The following CCDC93 variants were observed in gnomAD, a reference collection of about 807,000 sequenced individuals.
CCDC93 encodes CCC complex scaffolding subunit CCDC93.
In CCDC93, 61 loss-of-function variants were observed where a neutral mutation model predicts 108.2. That is an observed-to-expected ratio of 0.56 (90% CI 0.46 to 0.70). CCDC93 has a LOEUF of 0.70. Ranked by LOEUF, CCDC93 falls within the 30% of genes least tolerant of loss-of-function variation. The pLI is 0.00. For missense variants in CCDC93, 685 were observed against 764.2 expected, an observed-to-expected ratio of 0.90 and a Z score of 1.22; for synonymous variants, 276 against 260.4, an observed-to-expected ratio of 1.06 and a Z score of -0.58.
At position 117,936,751 on chromosome 2, in the gene CCDC93, A is replaced by G. The variant is rs748057095; in HGVS notation, c.1606-12T>C. On this transcript the variant is annotated splice_polypyrimidine_tract_variant and intron_variant, in intron 20 of 23. Transcript: ENST00000376300. Reference sequence around the variant, plus strand: ...TTCAGCAGACTAATCTGGGGAAGTAAAAAAACAAACGAAATTATAAGACAG... The same window carrying G: ...TTCAGCAGACTAATCTGGGGAAGTAGAAAAACAAACGAAATTATAAGACAG... 5 of 1,611,806 alleles carry G rather than the reference A, an allele frequency of 3.1e-6. No homozygotes were observed. The African/African-American group carries it at 6.7e-5, about 22-fold the overall frequency.
At chr2:117,934,939 CT>C (rs1214409213) in intron 22 of CCDC93, 6 of 151,976 alleles carry the variant, frequency 3.9e-5, no homozygotes, top group African/African-American at 1.5e-4. Context: ...TGCACCCTGA[CT>C]GAGTGGGGCC....
intron 18 of CCDC93, among the ~76,000 whole-genome samples, chr2:117,942,637 G>A (rs899150877): frequency 1.3e-5 from 2 of 152,194 alleles, no homozygotes; most frequent in African/African-American, 4.8e-5. Flanking sequence ...TGGCTGCTCA[G>A]GTGCATCTTC....
At chr2:117,946,206 G>A (rs540016926) in intron 16 of CCDC93, among the ~76,000 whole-genome samples, 5 of 152,282 alleles carry the variant, frequency 3.3e-5, no homozygotes, top group Middle Eastern at 3.4e-3. Context: ...GCGGTCTGGC[G>A]TGGGGTGGCT....
chr2:117,984,303 C>A (rs116150044), intron 7 of CCDC93, among the ~76,000 whole-genome samples: 1 of 152,158 alleles, frequency 6.6e-6, no homozygotes, highest in Non-Finnish European at 1.5e-5. Flanking sequence ...CCAACAGGAA[C>A]CAGGATTGGT....
intron 11 of CCDC93, among the ~76,000 whole-genome samples, chr2:117,959,068 A>T (rs1331475849): frequency 6.6e-6 from 1 of 152,180 alleles, no homozygotes; most frequent in Non-Finnish European, 1.5e-5. Context: ...CAACTCTATA[A>T]GGGAGGAGGG....
Position 117,941,278 on chromosome 2 carries a change from A to G in CCDC93, c.1433T>C (p.Ile478Thr). 6.2e-7 allele frequency: 1 copy of G among 1,613,722 alleles called. No individual in the cohort carries two copies. The highest frequency in any genetic ancestry group is 8.5e-7 in the Non-Finnish European group (1 of 1,179,674). ...ATCAATCTTGCGGTGCAAAATTGCTATTTCTCGATTTCTTCGAGCCTAAAT... is the reference window on the plus strand; with the variant it reads ...ATCAATCTTGCGGTGCAAAATTGCTGTTTCTCGATTTCTTCGAGCCTAAAT... ...RLLQARRNRE[I>T]AILHRKIDEV... The change falls in exon 19 of 24, where the codon ATA becomes ACA. Residue 478 changes from isoleucine (I) to threonine (T), a missense_variant. By Grantham distance (89) the Ile-to-Thr change is moderately conservative. Coordinates refer to ENST00000376300, the MANE Select transcript of CCDC93 (RefSeq NM_019044.5).
intron 20 of CCDC93, among the ~76,000 whole-genome samples, chr2:117,938,163 A>T (rs1268164065): frequency 6.6e-6 from 1 of 152,234 alleles, no homozygotes; most frequent in East Asian, 1.9e-4. Context: ...CATTATAATC[A>T]TCATCAATGC....
At position 117,950,437 on chromosome 2, in the gene CCDC93, T is replaced by C. The variant is rs1003559759; in HGVS notation, c.1069-1042A>G. 8.1e-6 allele frequency: 8 copies of C among 985,284 alleles called. No individual in the cohort carries two copies. The African/African-American group carries it at 1.4e-4, about 17-fold the overall frequency. The allele number at this position is 985,284 out of a possible 1,614,324, so 61.0% of individuals were successfully genotyped here. On this transcript the variant is annotated intron_variant, in intron 13 of 23. Coordinates refer to ENST00000376300, the MANE Select transcript of CCDC93 (RefSeq NM_019044.5). ...TACAAAGCAGCCAATCTCCTGGCCT[T>C]TCTGAAGCAGTCATGCAGCCTCCCC...
At chr2:117,962,148 A>G (rs1341076631) in intron 11 of CCDC93, among the ~76,000 whole-genome samples, 1 of 152,230 alleles carries the variant, frequency 6.6e-6, no homozygotes, top group Non-Finnish European at 1.5e-5. Flanking sequence ...CTAAAACTAT[A>G]TACTTTTATA....
chr2:117,928,333 A>C (rs1036286476), intron 23 of CCDC93, among the ~76,000 whole-genome samples: 2 of 152,210 alleles, frequency 1.3e-5, no homozygotes, highest in Non-Finnish European at 2.9e-5. Flanking sequence ...CAACCTAAAG[A>C]ATGGGAGAAA....
At chr2:117,946,754 C>G (rs1678884349) in intron 16 of CCDC93, 57 bp downstream of exon 16, 1 of 1,258,878 alleles carries the variant, frequency 7.9e-7, no homozygotes, top group Admixed American at 1.7e-5. Context: ...TCCTCTAGAA[C>G]TATCTTTTTC....
rs755805070 is a variant in CCDC93, at chr2:118,006,848, CT to C, written c.157-33del. 3.5e-6 allele frequency: 5 copies of C among 1,410,090 alleles called. No individual in the cohort carries two copies. In the Admixed American group the frequency reaches 6.8e-5, roughly 19 times the overall value. 87.3% of individuals were successfully genotyped at this position (1,410,090 alleles called of 1,614,324 possible). On this transcript the variant is annotated intron_variant, in intron 2 of 23. Transcript: ENST00000376300. Reference sequence around the variant, plus strand: ...GACATAAAGAAAATATTTGTTTTCTCTTTTTAGTTTGGGGAGAATGGAAGAA... The same window carrying C: ...GACATAAAGAAAATATTTGTTTTCTCTTTTAGTTTGGGGAGAATGGAAGAA...
chr2:117,938,975 G>T, intron 20 of CCDC93, 54 bp downstream of exon 20: 1 of 906,190 alleles, frequency 1.1e-6, no homozygotes, highest in Non-Finnish European at 1.8e-6. Flanking sequence ...TGACTTCCTG[G>T]AGTCAACTGC....
At chr2:117,986,160 C>CTT (rs763304100) in intron 6 of CCDC93, 91 bp from the exon 7 acceptor site, 52,316 of 271,204 alleles carry the variant, frequency 0.19, 3,761 homozygotes, top group East Asian at 0.26. Flanking sequence ...GGTATATTCT[C>CTT]TTTTTTTTTT....
intron 18 of CCDC93, among the ~76,000 whole-genome samples, chr2:117,943,611 C>G (rs983919118): frequency 6.6e-6 from 1 of 152,206 alleles, no homozygotes; most frequent in Admixed American, 6.5e-5. Flanking sequence ...TGAGCCAGAT[C>G]CCAGCAATGT....
chr2:117,958,381 G>A lies in CCDC93; in HGVS notation c.989C>T (p.Thr330Ile). ...ISLNKQIAQK[T>I]KHLEELRASH... ...AACACTGACCTCTTCAAGATGTTTG[G>A]TCTTTTGCGCAATCTGTTTGTTCAA... The change falls in exon 12 of 24, where the codon ACC (threonine) becomes ATC (isoleucine). Residue 330 changes from threonine to isoleucine, a missense_variant. Coordinates refer to ENST00000376300, the MANE Select transcript of CCDC93 (RefSeq NM_019044.5). 19 of 1,606,168 alleles carry A rather than the reference G, an allele frequency of 1.2e-5. No homozygotes were observed. The highest frequency in any genetic ancestry group is 1.7e-5 in the Admixed American group (1 of 60,002).
At chr2:117,937,285 A>C (rs1218600634) in intron 20 of CCDC93, among the ~76,000 whole-genome samples, 2 of 152,156 alleles carry the variant, frequency 1.3e-5, no homozygotes, top group African/African-American at 4.8e-5. Context: ...CCCGCAGCAA[A>C]TCCTCTTATC....
intron 11 of CCDC93, among the ~76,000 whole-genome samples, chr2:117,971,047 C>T (rs1299110758): frequency 1.3e-5 from 2 of 152,128 alleles, no homozygotes; most frequent in African/African-American, 2.4e-5. Flanking sequence ...TGTATTAACA[C>T]ATAAATTATG....
At chr2:118,001,858 T>C (rs1430382416) in intron 3 of CCDC93, among the ~76,000 whole-genome samples, 1 of 152,204 alleles carries the variant, frequency 6.6e-6, no homozygotes, top group African/African-American at 2.4e-5. Flanking sequence ...TCTCTAGCTA[T>C]GTGATTCCTG....
Sources: gnomAD v4.1 joint callset for allele counts (sites outside exome capture counted in the v4.1 genomes callset) on GRCh38, gnomAD v4.1.1 for gene constraint, MANE v1.5 for transcripts, NCBI Gene and HGNC (gene_info 2026-07-23, HGNC 2026-07-21) for gene names.